The following MCF2L2 variants were observed in gnomAD, a reference collection of about 807,000 sequenced individuals.
MCF2L2 encodes the protein probable guanine nucleotide exchange factor MCF2L2.
Under a neutral mutation model 150.2 loss-of-function variants are expected in MCF2L2, and 102 were observed. The observed-to-expected ratio is 0.68, with a 90% CI of 0.58 to 0.80. MCF2L2 has a LOEUF of 0.80. Among genes scored for constraint, MCF2L2 ranks in the 30% least tolerant of loss-of-function variants. The pLI is 0.00. For missense variants in MCF2L2, 1,256 were observed against 1,372.8 expected (o/e 0.91, Z 1.34); for synonymous variants, 465 against 491.3 (o/e 0.95, Z 0.71).
intron 13 of MCF2L2, among the ~76,000 whole-genome samples, 199 bp from the exon 14 acceptor site, chr3:183,289,419 C>G (rs749708546): frequency 6.6e-6 from 1 of 152,138 alleles, no homozygotes; most frequent in Non-Finnish European, 1.5e-5. Flanking sequence ...ATCCTTGACT[C>G]CAGGGACTTG....
At chr3:183,274,797 C>G (rs770774393) in intron 15 of MCF2L2, among the ~76,000 whole-genome samples, 1 of 152,192 alleles carries the variant, frequency 6.6e-6, no homozygotes, top group Non-Finnish European at 1.5e-5. Context: ...TCCTTCCGAT[C>G]ACTTCCGCAT....
chr3:183,326,487 C>T (rs1398358336), intron 5 of MCF2L2, among the ~76,000 whole-genome samples: 11 of 99,532 alleles, frequency 1.1e-4, no homozygotes, highest in African/African-American at 4.5e-4. Context: ...AGTGAAACTC[C>T]GTCTCAAAAA....
rs551278418 is a variant in MCF2L2 at position 183,273,709 on chromosome 3, T to C, written c.1862+3163A>G. Among the ~76,000 whole-genome samples the C allele has an allele frequency of 7.2e-5, 11 of 152,346 alleles. No individual in the cohort carries two copies. The East Asian group carries it at 2.1e-3, about 29-fold the overall frequency. ...TTTATCTTTTATTTCAGATTTTTAC[T>C]GTACCTTTTGTATATTTAGATGTGT... On this transcript the variant is annotated intron_variant, in intron 15 of 29. Transcript: ENST00000328913.
chr3:183,354,622 T>C (rs1334206705), intron 3 of MCF2L2, among the ~76,000 whole-genome samples: 1 of 152,178 alleles, frequency 6.6e-6, no homozygotes, highest in African/African-American at 2.4e-5. Context: ...TCTCACCCAG[T>C]GGTTCAAGTT....
intron 20 of MCF2L2, among the ~76,000 whole-genome samples, chr3:183,222,546 C>G (rs1345937389): frequency 1.3e-5 from 2 of 149,132 alleles, no homozygotes; most frequent in African/African-American, 2.5e-5. Flanking sequence ...CACTCTGTCT[C>G]AAAAAAAAAG....
At chr3:183,321,019 G>A (rs147395372) in intron 6 of MCF2L2, among the ~76,000 whole-genome samples, 22 of 152,334 alleles carry the variant, frequency 1.4e-4, no homozygotes, top group Non-Finnish European at 2.5e-4. Context: ...CCAGTTGGTG[G>A]ATCAGTCAGA....
chr3:183,189,153 C>T (rs1404656520), intron 27 of MCF2L2, among the ~76,000 whole-genome samples: 2 of 152,202 alleles, frequency 1.3e-5, no homozygotes, highest in Non-Finnish European at 2.9e-5. Flanking sequence ...ATGGAGCCCT[C>T]ACTGCTGGGG....
intron 27 of MCF2L2, among the ~76,000 whole-genome samples, chr3:183,190,399 C>T (rs372643920): frequency 2.0e-5 from 3 of 152,200 alleles, no homozygotes; most frequent in Admixed American, 6.5e-5. Flanking sequence ...CTGCTACTAA[C>T]GGTCTTCAGT....
chr3:183,421,091 T>C (rs1715861890), intron 1 of MCF2L2, among the ~76,000 whole-genome samples: 1 of 152,258 alleles, frequency 6.6e-6, no homozygotes, highest in African/African-American at 2.4e-5. Flanking sequence ...ATTTTTCTCT[T>C]CTTTCAAAAT....
chr3:183,187,618 G>A (rs536807703), intron 27 of MCF2L2, among the ~76,000 whole-genome samples: 42 of 152,184 alleles, frequency 2.8e-4, no homozygotes, highest in African/African-American at 9.9e-4. Flanking sequence ...ACAGGCATGC[G>A]CCACCACGCC....
intron 20 of MCF2L2, among the ~76,000 whole-genome samples, chr3:183,222,090 C>T (rs942607007): frequency 7.2e-5 from 11 of 152,272 alleles, no homozygotes; most frequent in Admixed American, 2.0e-4. Flanking sequence ...TCTTGAACTC[C>T]TGGACTGAAG....
intron 1 of MCF2L2, among the ~76,000 whole-genome samples, chr3:183,392,442 G>A (rs1423814827): frequency 6.6e-6 from 1 of 151,970 alleles, no homozygotes; most frequent in African/African-American, 2.4e-5. Context: ...CATCCCCCCA[G>A]CCCCCGACAA....
chr3:183,392,779 C>A (rs1391122475), intron 1 of MCF2L2, among the ~76,000 whole-genome samples: 1 of 152,090 alleles, frequency 6.6e-6, no homozygotes, highest in Non-Finnish European at 1.5e-5. Flanking sequence ...TGTTCTGCCC[C>A]CAGTAAAGTA....
At chr3:183,332,676 GA>G (rs1246322445) in intron 5 of MCF2L2, among the ~76,000 whole-genome samples, 2 of 152,172 alleles carry the variant, frequency 1.3e-5, no homozygotes, top group Admixed American at 6.5e-5. Context: ...CTTCATTTCT[GA>G]AGGGGAGTCA....
intron 7 of MCF2L2, among the ~76,000 whole-genome samples, 159 bp from the exon 8 acceptor site, chr3:183,311,931 AG>A (rs1219178575): frequency 1.3e-5 from 2 of 152,264 alleles, no homozygotes; most frequent in African/African-American, 4.8e-5. Context: ...TATCCTTGAC[AG>A]GTAACACACC....
chr3:183,322,875 A>T (rs1432779088), intron 6 of MCF2L2, among the ~76,000 whole-genome samples: 2 of 152,258 alleles, frequency 1.3e-5, no homozygotes, highest in East Asian at 3.9e-4. Context: ...TGTACGTTAG[A>T]ATCATCTGGG....
intron 19 of MCF2L2, 125 bp downstream of exon 19, chr3:183,223,973 T>C (rs1723252907): frequency 2.7e-6 from 2 of 751,230 alleles, no homozygotes. Flanking sequence ...TTTCAAAGTA[T>C]GGGACACTTT....
At chr3:183,361,008 GAAAAGAAAAGAAAA>G (rs1472578298) in intron 3 of MCF2L2, among the ~76,000 whole-genome samples, 5 of 111,338 alleles carry the variant, frequency 4.5e-5, no homozygotes, top group South Asian at 2.5e-4. Flanking sequence ...GAAAAGAAAA[GAAAAGAAAAGAAAA>G]GAGAAAAGAA....
At chr3:183,333,068 A>G (rs1263897298) in intron 5 of MCF2L2, among the ~76,000 whole-genome samples, 1 of 152,086 alleles carries the variant, frequency 6.6e-6, no homozygotes, top group Non-Finnish European at 1.5e-5. Flanking sequence ...ATTTTTTGAG[A>G]CAGAGCCTTG....
Sources: gnomAD v4.1 joint callset for allele counts (sites outside exome capture counted in the v4.1 genomes callset) on GRCh38, gnomAD v4.1.1 for gene constraint, MANE v1.5 for transcripts, NCBI Gene and HGNC (gene_info 2026-07-23, HGNC 2026-07-21) for gene names.